The following MICU3 variants were observed in gnomAD, a reference collection of about 807,000 sequenced individuals.
The protein encoded by MICU3 is calcium uptake protein 3, mitochondrial.
MICU3 carries 62 observed loss-of-function variants against 66.5 expected under a neutral mutation model. The observed-to-expected ratio is 0.93, with a 90% CI of 0.76 to 1.15. MICU3 has a LOEUF of 1.15. Ranked by LOEUF, MICU3 falls within the 50% of genes most tolerant of loss-of-function variation. The pLI is 0.00. For synonymous variants in MICU3, 308 were observed against 240.7 expected (o/e 1.28, Z -2.59); for missense variants, 779 against 664.4 (o/e 1.17, Z -1.90).
intron 4 of MICU3, among the ~76,000 whole-genome samples, chr8:17,078,955 T>C (rs1301809776): frequency 6.6e-6 from 1 of 152,120 alleles, no homozygotes; most frequent in Non-Finnish European, 1.5e-5. Flanking sequence ...TCAAAGCTCA[T>C]AAGGATCAAG....
intron 10 of MICU3, 76 bp from the exon 11 acceptor site, chr8:17,105,337 A>C: frequency 1.3e-6 from 1 of 789,598 alleles, no homozygotes; most frequent in East Asian, 2.8e-5. Flanking sequence ...TTTCTAGGAC[A>C]GTGAGTATTT....
chr8:17,077,844 G>GAAA lies in MICU3; in HGVS notation c.630_632dup (p.Arg210_Asn211insLys), dbSNP rs765252711. 1 of 1,610,370 alleles carries GAAA rather than the reference G, an allele frequency of 6.2e-7. No individual in the cohort carries two copies. Among genetic ancestry groups the GAAA allele is most frequent in the East Asian group, 2.2e-5 (1 of 44,702 alleles). On this transcript the variant is annotated inframe_insertion, in exon 4 of 15. Coordinates refer to ENST00000318063, the MANE Select transcript of MICU3 (RefSeq NM_181723.3). ...TGGAAAGGCTCATCGAAGCTATTTC[G>GAAA]AAATCTTAAAGAAAAAGGTGAGTTA...
At chr8:17,042,892 A>G (rs1358455817) in intron 1 of MICU3, among the ~76,000 whole-genome samples, 1 of 145,660 alleles carries the variant, frequency 6.9e-6, no homozygotes, top group Non-Finnish European at 1.5e-5. Context: ...TCAAAGGGTT[A>G]TAATAGATGG....
intron 7 of MICU3, among the ~76,000 whole-genome samples, chr8:17,089,812 A>C (rs2150755342): frequency 6.6e-6 from 1 of 152,254 alleles, no homozygotes; most frequent in African/African-American, 2.4e-5. Context: ...CAAAAAGGTT[A>C]GCTAGTAGTG....
chr8:17,041,374 A>G (rs1431361430), intron 1 of MICU3, among the ~76,000 whole-genome samples: 3 of 152,232 alleles, frequency 2.0e-5, no homozygotes, highest in Non-Finnish European at 2.9e-5. Flanking sequence ...CAAGGAGGTC[A>G]ACTGAGATAG....
At chr8:17,028,630 G>C (rs1178712570) in intron 1 of MICU3, among the ~76,000 whole-genome samples, 1 of 152,216 alleles carries the variant, frequency 6.6e-6, no homozygotes, top group Admixed American at 6.5e-5. Flanking sequence ...GTGGTGATCT[G>C]ATGTAAGTGC....
At chr8:17,081,986 G>A (rs1171055480) in intron 5 of MICU3, 1 of 302,950 alleles carries the variant, frequency 3.3e-6, no homozygotes, top group Non-Finnish European at 6.1e-6. Flanking sequence ...GTCAATTCTT[G>A]TGGTTTTAAT....
chr8:17,045,451 AT>A (rs1432484393), intron 1 of MICU3, among the ~76,000 whole-genome samples: 1 of 152,162 alleles, frequency 6.6e-6, no homozygotes, highest in African/African-American at 2.4e-5. Context: ...ATCCAGTCAC[AT>A]TTCAACATGG....
downstream of MICU3, among the ~76,000 whole-genome samples, chr8:17,126,575 G>A (rs1585602699): frequency 6.6e-6 from 1 of 152,148 alleles, no homozygotes; most frequent in Non-Finnish European, 1.5e-5. Flanking sequence ...TATTTAATGA[G>A]CTGTTATTGA....
In MICU3 at chr8:17,121,163, A is replaced by T. The variant is rs1331640213; in HGVS notation, c.*876A>T. ...TAAAAATAACGTCTTACACTCTGTA[A>T]CTTACTGCATATTGTTAATGTATGT... On this transcript the variant is annotated 3_prime_UTR_variant, in exon 15 of 15. Coordinates refer to ENST00000318063, the MANE Select transcript of MICU3 (RefSeq NM_181723.3). 1 of 151,866 alleles carries T rather than the reference A, an allele frequency of 6.6e-6. No homozygotes were observed. The highest frequency in any genetic ancestry group is 1.5e-5 in the Non-Finnish European group (1 of 67,776). 9.4% of individuals were successfully genotyped at this position (151,866 alleles called of 1,614,324 possible).
chr8:17,076,747 A>G (rs1204279389), intron 3 of MICU3, among the ~76,000 whole-genome samples: 3 of 152,202 alleles, frequency 2.0e-5, no homozygotes, highest in Non-Finnish European at 2.9e-5. Flanking sequence ...AAATTAGAAG[A>G]TGTTGTTAAA....
At chr8:17,036,748 G>A (rs1813068091) in intron 1 of MICU3, among the ~76,000 whole-genome samples, 1 of 152,222 alleles carries the variant, frequency 6.6e-6, no homozygotes, top group Admixed American at 6.5e-5. Flanking sequence ...AGCCCAGCTG[G>A]CCTCACCCAG....
chr8:17,094,797 A>C (rs183854314), intron 8 of MICU3, among the ~76,000 whole-genome samples: 1 of 152,024 alleles, frequency 6.6e-6, no homozygotes, highest in Non-Finnish European at 1.5e-5. Flanking sequence ...TAAGACAACC[A>C]TGGTACTTCA....
intron 1 of MICU3, among the ~76,000 whole-genome samples, chr8:17,028,262 A>G (rs974523911): frequency 6.6e-6 from 1 of 152,188 alleles, no homozygotes. Flanking sequence ...TCCTTCCCCC[A>G]CTAAAGCCAG....
At chr8:17,083,664 G>A (rs1037593224) in intron 5 of MICU3, among the ~76,000 whole-genome samples, 2 of 152,082 alleles carry the variant, frequency 1.3e-5, no homozygotes, top group Non-Finnish European at 1.5e-5. Context: ...TGTTAGTGCT[G>A]AAGAACTAGT....
chr8:17,105,243 C>T (rs146289411), intron 10 of MICU3, among the ~76,000 whole-genome samples, 170 bp from the exon 11 acceptor site: 24 of 152,038 alleles, frequency 1.6e-4, no homozygotes, highest in African/African-American at 4.3e-4. Context: ...AGTAGTAAAG[C>T]GATCGTGTGT....
chr8:17,125,052 G>C (rs910255269), downstream of MICU3, among the ~76,000 whole-genome samples: 1 of 152,030 alleles, frequency 6.6e-6, no homozygotes, highest in South Asian at 2.1e-4. Flanking sequence ...TTATTTATTT[G>C]AGAACTTCTT....
the MICU3 span, chr8:17,134,299 C>T: frequency 1.3e-5 from 2 of 152,166 alleles, no homozygotes; most frequent in Non-Finnish European, 2.9e-5. Flanking sequence ...AATCCTAAAG[C>T]CTGAGAACCA....
intron 1 of MICU3, among the ~76,000 whole-genome samples, chr8:17,041,126 C>T (rs1038259625): frequency 2.0e-5 from 3 of 152,036 alleles, no homozygotes; most frequent in African/African-American, 7.2e-5. Flanking sequence ...TATTAAAAAT[C>T]ATAAGAATGG....
Sources: allele counts gnomAD v4.1 joint callset (sites outside exome capture counted in the v4.1 genomes callset), GRCh38; gene constraint gnomAD v4.1.1; transcripts MANE v1.5; gene names NCBI Gene and HGNC (gene_info 2026-07-23, HGNC 2026-07-21).